SLC38A10: variants seen among roughly 807,000 people sequenced by gnomAD.
SLC38A10 encodes the protein Sodium-coupled neutral amino acid transporter 10.
In SLC38A10, 53 loss-of-function variants were observed where a neutral mutation model predicts 81.0. That is an observed-to-expected ratio of 0.65 (90% CI 0.53 to 0.82). The LOEUF (loss-of-function observed/expected upper bound fraction) is 0.82. SLC38A10 is among the 40% of genes least tolerant of loss of function. SLC38A10 has a pLI of 0.00. For synonymous variants in SLC38A10, 665 were observed against 655.3 expected, an observed-to-expected ratio of 1.01 and a Z score of -0.23; for missense variants, 1,471 against 1,545.0, an observed-to-expected ratio of 0.95 and a Z score of 0.80.
At chr17:81,257,685 C>T (rs1412804560) in intron 11 of SLC38A10, among the ~76,000 whole-genome samples, 2 of 152,258 alleles carry the variant, frequency 1.3e-5, no homozygotes, top group African/African-American at 2.4e-5. Flanking sequence ...CCAACACACA[C>T]GACCCGTCGA....
chr17:81,250,233 A>T, intron 14 of SLC38A10: 1 of 871,898 alleles, frequency 1.1e-6, no homozygotes, highest in Non-Finnish European at 1.6e-6. Flanking sequence ...AAACATGGCC[A>T]GACTAAAACC....
At chr17:81,272,018 C>T (rs993828496) in intron 9 of SLC38A10, among the ~76,000 whole-genome samples, 4 of 151,904 alleles carry the variant, frequency 2.6e-5, no homozygotes, top group African/African-American at 4.8e-5. Context: ...TGAGCCACTG[C>T]GCCCAGCAAG....
intron 11 of SLC38A10, among the ~76,000 whole-genome samples, chr17:81,255,670 C>G (rs1227156432): frequency 6.6e-6 from 1 of 152,208 alleles, no homozygotes; most frequent in Non-Finnish European, 1.5e-5. Context: ...GGTGCTGCCG[C>G]AGGGCAACCA....
rs531560852 is a variant in SLC38A10 at position 81,260,107 on chromosome 17, C to T, written c.1288+131G>A. 2.0e-4 allele frequency: 240 copies of T among 1,181,026 alleles called. 1 individual carries two copies. Among genetic ancestry groups the T allele is most frequent in the East Asian group, 1.3e-4 (5 of 38,700 alleles). The allele number at this position is 1,181,026 out of a possible 1,614,324, so 73.2% of individuals were successfully genotyped here. On this transcript the variant is annotated intron_variant, in intron 11 of 15. Transcript: ENST00000374759. ...GCATGTTCACAGGGGAGGCTGGTGG[C>T]CCCACCCTGCTGGCTGCACCCACAC...
Position 81,253,220 on chromosome 17 carries a change from C to T in SLC38A10, c.1309G>A (p.Val437Met), listed in dbSNP as rs762574221. 1.7e-5 allele frequency: 28 copies of T among 1,613,532 alleles called. No homozygotes were observed. The highest frequency in any genetic ancestry group is 3.3e-5 in the Admixed American group (2 of 60,004). ...RLSAQDPVVA[V>M]AEDGREKPKL... ...GGCTTCTCCCGGCCATCCTCAGCCA[C>T]GGCCACAACCGGATCCTGGGCTGGG... The change falls in exon 12 of 16, where the codon GTG becomes ATG. Residue 437 changes from valine to methionine, a missense_variant. Val to Met is a conservative substitution (Grantham distance 21, BLOSUM62 1). Transcript: ENST00000374759. The surrounding 1 kb of genome is among the most constrained non-coding windows in gnomAD (Gnocchi z 4.1).
At chr17:81,293,023 C>T (rs772915433) in intron 1 of SLC38A10, among the ~76,000 whole-genome samples, 6 of 152,174 alleles carry the variant, frequency 3.9e-5, no homozygotes, top group African/African-American at 7.2e-5. Context: ...AATTAGCCGG[C>T]GTGGTGGCAC....
Position 81,246,032 on chromosome 17 carries a change from G to T in SLC38A10, c.2884C>A (p.Arg962=). ...PQAVLRQPEL[R]VISDGEQGGQ... ...CCCTGCTCGCCATCAGAGATGACCC[G>T]CAGTTCCGGCTGGCGTAACACAGCC... The change falls in exon 16 of 16, where the codon CGG becomes AGG. Residue 962 remains arginine, a synonymous_variant. Transcript: ENST00000374759. 1.2e-6 allele frequency: 2 copies of T among 1,610,206 alleles called. No individual in the cohort carries two copies.
intron 2 of SLC38A10, 102 bp from the exon 3 acceptor site, chr17:81,284,997 A>C: frequency 1.0e-6 from 1 of 1,004,664 alleles, no homozygotes; most frequent in South Asian, 2.0e-5. Context: ...ACAGAAACCC[A>C]CGGGCCCAGA....
At chr17:81,285,973 C>T (rs1045049091) in intron 2 of SLC38A10, among the ~76,000 whole-genome samples, 9 of 152,164 alleles carry the variant, frequency 5.9e-5, no homozygotes, top group East Asian at 1.9e-4. Flanking sequence ...CCTATGGGCT[C>T]GCTGAAGAAG....
Position 81,275,974 on chromosome 17 carries a change from G to A in SLC38A10, c.907C>T (p.Gln303Ter), listed in dbSNP as rs771978702. Residue 303 changes from glutamine to a stop codon, truncating the protein, a stop_gained, in exon 8 of 16, where the codon CAG becomes TAG. Coordinates refer to ENST00000374759, the MANE Select transcript of SLC38A10 (RefSeq NM_001037984.3). LOFTEE classifies it high-confidence loss of function. ...GAGTGCCCCGAGGGTCTTACCTGCT[G>A]CTCACACAGCAGCGTGCTCAGGGCC... The part of the protein sequence containing the change: ...RQALSTLLCE[Q>*]QQKDGTFAAG... The A allele has an allele frequency of 2.5e-6, 4 of 1,613,290 alleles. No individual in the cohort carries two copies. Among genetic ancestry groups the A allele is most frequent in the East Asian group, 4.5e-5 (2 of 44,866 alleles).
chr17:81,251,418 C>A (rs1350096686), intron 14 of SLC38A10, 75 bp downstream of exon 14: 2 of 1,610,636 alleles, frequency 1.2e-6, no homozygotes, highest in South Asian at 1.1e-5. Context: ...ATGACCTGGG[C>A]ATCACCCCAG....
chr17:81,293,219 C>CATGCCAGA (rs2063323763), intron 1 of SLC38A10, among the ~76,000 whole-genome samples: 1 of 152,246 alleles, frequency 6.6e-6, no homozygotes, highest in Non-Finnish European at 1.5e-5. Flanking sequence ...TACTGCTCCA[C>CATGCCAGA]ATGCCAGAAT....
At position 81,277,879 on chromosome 17, in the gene SLC38A10, C is replaced by G. The variant is rs2063175977; in HGVS notation, c.627-746G>C. ...GGGGAGAAGGGAGTTGGGCCAGGCA[C>G]ACGCCAGAGCACAGGTGAGAGCTGC... On this transcript the variant is annotated intron_variant, in intron 6 of 15. Coordinates refer to ENST00000374759, the MANE Select transcript of SLC38A10 (RefSeq NM_001037984.3). This position sits in a 1 kb window ranked among gnomAD's most constrained non-coding sequence, Gnocchi z 4.5. Among the ~76,000 whole-genome samples, 1 of 152,218 alleles carries G rather than the reference C, an allele frequency of 6.6e-6. No homozygotes were observed.
intron 10 of SLC38A10, among the ~76,000 whole-genome samples, chr17:81,266,203 C>T (rs912750313): frequency 1.3e-5 from 2 of 152,166 alleles, no homozygotes; most frequent in African/African-American, 2.4e-5. Context: ...AAGAGGGAGG[C>T]GACATCATCA....
intron 10 of SLC38A10, chr17:81,264,629 A>C (rs926914021): frequency 1.3e-5 from 2 of 152,244 alleles, no homozygotes; most frequent in African/African-American, 4.8e-5. Flanking sequence ...CACATGTAGA[A>C]AGTGCACAAG....
rs376317852 is a variant in SLC38A10, at chr17:81,253,257, G to T, written c.1289-17C>A. The T allele has an allele frequency of 5.6e-6, 9 of 1,612,666 alleles. No homozygotes were observed. In the South Asian group the frequency reaches 9.9e-5, roughly 18 times the overall value. On this transcript the variant is annotated splice_polypyrimidine_tract_variant and intron_variant, in intron 11 of 15. Coordinates refer to ENST00000374759, the MANE Select transcript of SLC38A10 (RefSeq NM_001037984.3). This position sits in a 1 kb window ranked among gnomAD's most constrained non-coding sequence, Gnocchi z 4.1. ...GATCCTGGGCTGGGAGCAGGGCACAGTTAGGGAACTGCACTGCCAAGCAGC... is the reference window on the plus strand; with the variant it reads ...GATCCTGGGCTGGGAGCAGGGCACATTTAGGGAACTGCACTGCCAAGCAGC...
At chr17:81,269,557 G>A (rs1051090032) in intron 10 of SLC38A10, among the ~76,000 whole-genome samples, 1 of 152,148 alleles carries the variant, frequency 6.6e-6, no homozygotes. Flanking sequence ...GACAAGGCAA[G>A]ATCATTCCAG....
At chr17:81,257,369 TC>T (rs1262557907) in intron 11 of SLC38A10, among the ~76,000 whole-genome samples, 1 of 152,190 alleles carries the variant, frequency 6.6e-6, no homozygotes, top group Non-Finnish European at 1.5e-5. Context: ...GTGCTGAGAT[TC>T]CAGGTGTGAG....
rs201267970 is a variant in SLC38A10 at position 81,246,533 on chromosome 17, A to G, written c.2383T>C (p.Ser795Pro). The change falls in exon 16 of 16, where the codon TCC (serine) becomes CCC (proline). Residue 795 changes from serine to proline, a missense_variant. Ser to Pro is a moderately conservative substitution (Grantham distance 74). Transcript: ENST00000374759. Reference sequence around the variant, plus strand: ...AGGGAGCGCTGGTTAAGGTCCTGGGATGGAGCAGGGCGGCCCCCAGGAGCT... The same window carrying G: ...AGGGAGCGCTGGTTAAGGTCCTGGGGTGGAGCAGGGCGGCCCCCAGGAGCT... ...LRAPGGRPAPSQDLNQRSLEH... is the reference protein window; with the variant it reads ...LRAPGGRPAPPQDLNQRSLEH... 1.4e-4 allele frequency: 206 copies of G among 1,524,038 alleles called. No homozygotes were observed. In the African/African-American group the frequency reaches 2.8e-3, roughly 20 times the overall value. 94.4% of individuals were successfully genotyped at this position (1,524,038 alleles called of 1,614,324 possible). A position where few individuals can be genotyped will look rare whatever the true frequency, so the allele number is the denominator to read the frequency against.
Sources: gnomAD v4.1 joint callset for allele counts (sites outside exome capture counted in the v4.1 genomes callset) on GRCh38, gnomAD v4.1.1 for gene constraint, Gnocchi (gnomAD v3.1) non-coding constraint, MANE v1.5 for transcripts, NCBI Gene and HGNC (gene_info 2026-07-23, HGNC 2026-07-21) for gene names.